The following ENTHD1 variants were observed in gnomAD, a reference collection of about 807,000 sequenced individuals.
ENTHD1 encodes the protein ENTH domain-containing protein 1.
Under a neutral mutation model 39.1 loss-of-function variants are expected in ENTHD1, and 23 were observed. The ratio of observed to expected loss-of-function variants is 0.59; its 90% CI spans 0.42 to 0.83. The LOEUF (loss-of-function observed/expected upper bound fraction) is 0.83. ENTHD1 is among the 40% of genes least tolerant of loss of function. The pLI, the probability that ENTHD1 is intolerant of heterozygous loss-of-function variation, is 0.00. For synonymous variants in ENTHD1, 230 were observed against 258.2 expected (o/e 0.89, Z 1.05); for missense variants, 624 against 705.4 (o/e 0.88, Z 1.31).
intron 4 of ENTHD1, 137 bp downstream of exon 4, chr22:39,835,703 C>G: frequency 1.9e-6 from 1 of 521,528 alleles, no homozygotes; most frequent in Non-Finnish European, 3.4e-6. Context: ...AAGAACACAG[C>G]CCTACGGACA....
chr22:39,864,055 T>A (rs2066165314), intron 2 of ENTHD1, among the ~76,000 whole-genome samples: 1 of 152,254 alleles, frequency 6.6e-6, no homozygotes, highest in African/African-American at 2.4e-5. Context: ...ATTTCCACAA[T>A]GTTTTGGGTA....
intron 3 of ENTHD1, among the ~76,000 whole-genome samples, chr22:39,838,227 T>G (rs1361280748): frequency 6.6e-6 from 1 of 152,162 alleles, no homozygotes; most frequent in Non-Finnish European, 1.5e-5. Flanking sequence ...TAGTATGAAT[T>G]TTTTTGGTAT....
chr22:39,780,635 A>G (rs765989159), intron 5 of ENTHD1, among the ~76,000 whole-genome samples: 11 of 152,324 alleles, frequency 7.2e-5, no homozygotes, highest in Admixed American at 2.6e-4. Context: ...GACAGTCACT[A>G]TATAATGATC....
chr22:39,856,991 ACACT>A (rs765222247), intron 3 of ENTHD1, among the ~76,000 whole-genome samples: 10 of 152,222 alleles, frequency 6.6e-5, no homozygotes, highest in Non-Finnish European at 1.5e-4. Context: ...TAGTGAGGAG[ACACT>A]CAATATGTGT....
In ENTHD1 at chr22:39,861,779, CT is replaced by C. The variant is rs778311883; in HGVS notation, c.577del (p.Arg193GlyfsTer13). The C allele has an allele frequency of 1.1e-5, 17 of 1,552,844 alleles. No homozygotes were observed. The East Asian group carries it at 3.9e-4, about 35-fold the overall frequency. On this transcript the variant is annotated frameshift_variant, in exon 3 of 7. Transcript: ENST00000325157. LOFTEE classifies it high-confidence loss of function. ...EKKYKLPKFG[R>X]LHNKRNVCKA... Reference sequence around the variant, plus strand: ...ATTATACGTACTTTTATTATGTAACCTTCCAAACTTAGGAAGCTTATACTTC... The same window carrying C: ...ATTATACGTACTTTTATTATGTAACCTCCAAACTTAGGAAGCTTATACTTC...
intron 3 of ENTHD1, among the ~76,000 whole-genome samples, chr22:39,841,515 T>C (rs542276983): frequency 1.3e-5 from 2 of 151,788 alleles, no homozygotes; most frequent in African/African-American, 4.8e-5. Context: ...TCTTTTGATC[T>C]TTGTTGGTTT....
chr22:39,798,586 G>C (rs1156889832), intron 5 of ENTHD1, among the ~76,000 whole-genome samples: 1 of 152,190 alleles, frequency 6.6e-6, no homozygotes, highest in Admixed American at 6.5e-5. Context: ...TTTTTCTCGG[G>C]ACAGGAGTGT....
chr22:39,893,011 G>A (rs2066439872), intron 1 of ENTHD1, among the ~76,000 whole-genome samples: 1 of 152,110 alleles, frequency 6.6e-6, no homozygotes, highest in Non-Finnish European at 1.5e-5. Context: ...TCTAGGAAAT[G>A]GAGAAACAGG....
chr22:39,817,781 A>C (rs890530056), intron 5 of ENTHD1, among the ~76,000 whole-genome samples: 1 of 152,228 alleles, frequency 6.6e-6, no homozygotes, highest in African/African-American at 2.4e-5. Context: ...TAGTGAAAGG[A>C]GAAACTAGTT....
At chr22:39,860,084 A>G (rs919442701) in intron 3 of ENTHD1, among the ~76,000 whole-genome samples, 6 of 152,182 alleles carry the variant, frequency 3.9e-5, no homozygotes, top group Admixed American at 2.0e-4. Context: ...ATTATCTGAC[A>G]TATTTTATGC....
At chr22:39,885,673 C>T (rs2146774642) in intron 2 of ENTHD1, among the ~76,000 whole-genome samples, 1 of 152,266 alleles carries the variant, frequency 6.6e-6, no homozygotes, top group African/African-American at 2.4e-5. Context: ...AGTTCTGATA[C>T]ATCCTACAAC....
In ENTHD1 at chr22:39,821,010, C is replaced by T. The variant is rs1362530215; in HGVS notation, c.815G>A (p.Cys272Tyr). ...CAATTTACCTGCACCCGAAAGATTA[C>T]AAACTTCTTCTGCTTCTGACAAGCA... ...ITCLSEAEEV[C>Y]NLSGADAVPT... The change falls in exon 5 of 7, where the codon TGT becomes TAT. Residue 272 changes from cysteine to tyrosine, a missense_variant. Physicochemically the swap from Cys to Tyr is radical, Grantham distance 194. Transcript: ENST00000325157. 6.2e-7 allele frequency: 1 copy of T among 1,613,980 alleles called. No individual in the cohort carries two copies. Among genetic ancestry groups the T allele is most frequent in the South Asian group, 1.1e-5 (1 of 91,078 alleles).
intron 1 of ENTHD1, among the ~76,000 whole-genome samples, chr22:39,892,518 A>G (rs1176394842): frequency 6.6e-6 from 1 of 152,258 alleles, no homozygotes; most frequent in Non-Finnish European, 1.5e-5. Flanking sequence ...CAATAAAAAC[A>G]TGTAAATATT....
intron 5 of ENTHD1, among the ~76,000 whole-genome samples, chr22:39,778,343 A>G (rs2146580628): frequency 6.6e-6 from 1 of 152,282 alleles, no homozygotes; most frequent in Non-Finnish European, 1.5e-5. Context: ...GAAGGGGGGT[A>G]TTTGAGATCA....
chr22:39,781,284 A>C (rs923147885), intron 5 of ENTHD1, among the ~76,000 whole-genome samples: 1 of 152,228 alleles, frequency 6.6e-6, no homozygotes. Flanking sequence ...AACCAATTCA[A>C]AAAAGTAGAA....
At chr22:39,872,948 G>A (rs866656292) in intron 2 of ENTHD1, among the ~76,000 whole-genome samples, 1 of 149,772 alleles carries the variant, frequency 6.7e-6, no homozygotes, top group South Asian at 2.1e-4. Context: ...TTCCACCTCA[G>A]CCCCCCATCA....
intron 4 of ENTHD1, among the ~76,000 whole-genome samples, chr22:39,822,826 T>C (rs2065793923): frequency 6.6e-6 from 1 of 152,202 alleles, no homozygotes; most frequent in Non-Finnish European, 1.5e-5. Flanking sequence ...TTTGCCCCTT[T>C]TAAAAACTCA....
chr22:39,826,359 A>T (rs1259821280), intron 4 of ENTHD1, among the ~76,000 whole-genome samples: 1 of 150,948 alleles, frequency 6.6e-6, no homozygotes, highest in Non-Finnish European at 1.5e-5. Context: ...TTACTTATTT[A>T]TCTTTTTTTT....
At position 39,839,525 on chromosome 22, in the gene ENTHD1, A is replaced by G. The variant is rs189429668; in HGVS notation, c.593-3567T>C. ...AAAGGGAGAAAGTATGGTAGATGCC[A>G]GAGATACTGAAGAAATAAGAATCTT... is the stretch of plus-strand genomic sequence containing the variant. On this transcript the variant is annotated intron_variant, in intron 3 of 6. Transcript: ENST00000325157. Among the ~76,000 whole-genome samples, 271 of 152,354 alleles carry G rather than the reference A, an allele frequency of 1.8e-3. 1 individual carries two copies. The highest frequency in any genetic ancestry group is 7.5e-3 in the South Asian group (36 of 4,830).
Sources: gnomAD v4.1 joint callset for allele counts (sites outside exome capture counted in the v4.1 genomes callset) on GRCh38, gnomAD v4.1.1 for gene constraint, MANE v1.5 for transcripts, NCBI Gene and HGNC (gene_info 2026-07-23, HGNC 2026-07-21) for gene names.